The following NRG2 variants were observed in gnomAD, a reference collection of about 807,000 sequenced individuals.
NRG2 encodes the protein neuregulin 2.
Under a neutral mutation model 73.9 loss-of-function variants are expected in NRG2, and 27 were observed. That is an observed-to-expected ratio of 0.37 (90% CI 0.27 to 0.50). The LOEUF (loss-of-function observed/expected upper bound fraction) is 0.50, where lower values mean the gene tolerates loss of function less well. Ranked by LOEUF, NRG2 falls within the 20% of genes least tolerant of loss-of-function variation. The pLI, the probability that NRG2 is intolerant of heterozygous loss-of-function variation, is 0.96. For synonymous variants in NRG2, 532 were observed against 541.0 expected, an observed-to-expected ratio of 0.98 and a Z score of 0.23; for missense variants, 1,126 against 1,210.1, an observed-to-expected ratio of 0.93 and a Z score of 1.03.
chr5:139,957,179 G>A (rs1754689315), intron 1 of NRG2, among the ~76,000 whole-genome samples: 1 of 152,098 alleles, frequency 6.6e-6, no homozygotes, highest in South Asian at 2.1e-4. Context: ...ATAGCTTTGG[G>A]CTGCAAGACT....
At chr5:139,950,888 C>A (rs1417490360) in intron 1 of NRG2, among the ~76,000 whole-genome samples, 1 of 152,230 alleles carries the variant, frequency 6.6e-6, no homozygotes, top group African/African-American at 2.4e-5. Flanking sequence ...CTCTCCCAGC[C>A]ACCATCCTAG....
chr5:139,852,735 C>T lies in NRG2; in HGVS notation c.1416+169G>A, dbSNP rs1761536275. ...CCAGCAAATCAACCCCCACCCCTTC[C>T]TCATGGAAGTGAGCAAACCAAGGCC... On this transcript the variant is annotated intron_variant, in intron 7 of 9. Transcript: ENST00000361474. The surrounding 1 kb of genome is among the most constrained non-coding windows in gnomAD (Gnocchi z 4.4). 1.3e-5 allele frequency among the ~76,000 whole-genome samples: 2 copies of T among 152,212 alleles called. No individual in the cohort carries two copies. Among genetic ancestry groups the T allele is most frequent in the Admixed American group, 1.3e-4 (2 of 15,288 alleles).
chr5:139,958,149 A>T (rs549263565), intron 1 of NRG2, among the ~76,000 whole-genome samples: 2 of 152,260 alleles, frequency 1.3e-5, no homozygotes, highest in South Asian at 4.1e-4. Flanking sequence ...AACTTTGCTC[A>T]GCCTCAGTCT....
intron 1 of NRG2, among the ~76,000 whole-genome samples, chr5:139,951,029 G>A (rs1754159879): frequency 6.6e-6 from 1 of 152,190 alleles, no homozygotes; most frequent in Non-Finnish European, 1.5e-5. Context: ...GAGGAAACTG[G>A]CTCCAAGTGT....
At chr5:140,023,130 CTCTT>C (rs1285112422) in intron 1 of NRG2, among the ~76,000 whole-genome samples, 5 of 152,238 alleles carry the variant, frequency 3.3e-5, no homozygotes, top group Non-Finnish European at 7.3e-5. Context: ...AAACATTCCT[CTCTT>C]TCTATCATAT....
At chr5:139,950,040 C>G (rs1419512409) in intron 1 of NRG2, among the ~76,000 whole-genome samples, 1 of 152,146 alleles carries the variant, frequency 6.6e-6, no homozygotes, top group Non-Finnish European at 1.5e-5. Context: ...GAGCAGTGCC[C>G]CAGACTCTTC....
At chr5:140,017,724 G>C (rs1464279205) in intron 1 of NRG2, among the ~76,000 whole-genome samples, 2 of 152,228 alleles carry the variant, frequency 1.3e-5, no homozygotes, top group Admixed American at 6.5e-5. Flanking sequence ...ATAGAGACAA[G>C]AGGTACGGGC....
intron 1 of NRG2, among the ~76,000 whole-genome samples, chr5:139,944,401 C>T (rs967849047): frequency 2.0e-5 from 3 of 152,132 alleles, no homozygotes; most frequent in Non-Finnish European, 4.4e-5. Flanking sequence ...CTCTGTCTAT[C>T]CTTCCTTCCC....
intron 1 of NRG2, among the ~76,000 whole-genome samples, chr5:140,023,843 G>A (rs1760439699): frequency 6.6e-6 from 1 of 152,114 alleles, no homozygotes; most frequent in African/African-American, 2.4e-5. Flanking sequence ...AACAATCTCT[G>A]TAATCTAGGT....
chr5:140,038,622 A>T (rs1372495889), intron 1 of NRG2, among the ~76,000 whole-genome samples: 1 of 152,188 alleles, frequency 6.6e-6, no homozygotes, highest in Non-Finnish European at 1.5e-5. Flanking sequence ...ACTTCACTTG[A>T]CTTTATCCAT....
intron 3 of NRG2, among the ~76,000 whole-genome samples, chr5:139,876,819 C>T (rs1581837601): frequency 6.6e-6 from 1 of 152,020 alleles, no homozygotes; most frequent in East Asian, 1.9e-4. Flanking sequence ...TAGTTTCCTG[C>T]CATTTGAGGG....
intron 1 of NRG2, among the ~76,000 whole-genome samples, chr5:140,006,362 TA>T (rs1033577515): frequency 2.0e-5 from 3 of 152,240 alleles, no homozygotes; most frequent in African/African-American, 7.2e-5. Context: ...TCAAATGGCG[TA>T]ACCATTCTGG....
At chr5:139,920,014 G>C (rs1751544026) in intron 1 of NRG2, among the ~76,000 whole-genome samples, 1 of 152,218 alleles carries the variant, frequency 6.6e-6, no homozygotes, top group African/African-American at 2.4e-5. Flanking sequence ...AAGTGCAATA[G>C]AAATGTGGAG....
In NRG2 at chr5:140,042,592, A is replaced by G. The variant is rs774499622; in HGVS notation, c.478T>C (p.Leu160=). 6.2e-7 allele frequency: 1 copy of G among 1,611,492 alleles called. No individual in the cohort carries two copies. The highest frequency in any genetic ancestry group is 2.2e-5 in the East Asian group (1 of 44,776). ...GGCCACTTGTCCAGCACCTTTACCA[A>G]CGCCACCCGACCCGAGGCGGGCGGC... ...REPPASGRVA[L]VKVLDKWPLR... is the part of the protein sequence containing the mutation. Residue 160 remains leucine, a synonymous_variant, in exon 1 of 10, where the codon TTG becomes CTG. Transcript: ENST00000361474.
chr5:140,015,965 T>A (rs147169636), intron 1 of NRG2, among the ~76,000 whole-genome samples: 1 of 152,318 alleles, frequency 6.6e-6, no homozygotes, highest in East Asian at 1.9e-4. Flanking sequence ...AGGCGCCACA[T>A]CTCAATAGGT....
chr5:139,867,801 A>AGTGT (rs1202470798), intron 4 of NRG2, among the ~76,000 whole-genome samples: 9,040 of 79,334 alleles, frequency 0.11, 424 homozygotes, highest in Non-Finnish European at 0.15. Context: ...TGTGTGTATG[A>AGTGT]GTGTGTGTGT....
At chr5:139,941,389 A>C (rs1753391799) in intron 1 of NRG2, among the ~76,000 whole-genome samples, 1 of 152,064 alleles carries the variant, frequency 6.6e-6, no homozygotes, top group Non-Finnish European at 1.5e-5. Flanking sequence ...GGGGTGGGGG[A>C]TAACATTTCA....
intron 1 of NRG2, among the ~76,000 whole-genome samples, chr5:139,947,919 A>G (rs189102141): frequency 1.5e-4 from 23 of 152,340 alleles, no homozygotes; most frequent in African/African-American, 4.8e-4. Context: ...TAAAATGCAC[A>G]TAATGTAAAA....
chr5:139,971,652 T>C (rs1408346767), intron 1 of NRG2, among the ~76,000 whole-genome samples: 1 of 152,096 alleles, frequency 6.6e-6, no homozygotes, highest in Non-Finnish European at 1.5e-5. Flanking sequence ...GAAAATATAA[T>C]GAAAATACCA....
Sources: allele counts gnomAD v4.1 joint callset (sites outside exome capture counted in the v4.1 genomes callset), GRCh38; gene constraint gnomAD v4.1.1; non-coding constraint Gnocchi (gnomAD v3.1); transcripts MANE v1.5; gene names NCBI Gene and HGNC (gene_info 2026-07-23, HGNC 2026-07-21).